Variants in LRRC7 observed in about 807,000 individuals in gnomAD.
LRRC7 encodes leucine rich repeat containing 7.
LRRC7 carries 23 observed loss-of-function variants against 175.7 expected under a neutral mutation model. That is an observed-to-expected ratio of 0.13 (90% CI 0.09 to 0.19). The LOEUF is 0.19. Ranked by LOEUF, LRRC7 falls within the 10% of genes least tolerant of loss-of-function variation. The pLI is 1.00. For missense variants in LRRC7, 1,354 were observed against 1,904.7 expected (o/e 0.71, Z 5.38); for synonymous variants, 685 against 680.9 (o/e 1.01, Z -0.09).
chr1:69,627,252 T>G (rs1331008241), intron 1 of LRRC7, among the ~76,000 whole-genome samples: 1 of 152,140 alleles, frequency 6.6e-6, no homozygotes, highest in Non-Finnish European at 1.5e-5. Context: ...CCTGACTTTT[T>G]AATGATCACC....
intron 8 of LRRC7, among the ~76,000 whole-genome samples, chr1:69,948,042 G>T (rs1649526559): frequency 6.6e-6 from 1 of 152,084 alleles, no homozygotes; most frequent in African/African-American, 2.4e-5. Context: ...AGTGGGTACA[G>T]CATGAATACG....
Position 70,039,034 on chromosome 1 carries a change from A to C in LRRC7, c.3210A>C (p.Gln1070His). 6.2e-7 allele frequency: 1 copy of C among 1,614,088 alleles called. No individual in the cohort carries two copies. Among genetic ancestry groups the C allele is most frequent in the Non-Finnish European group, 8.5e-7 (1 of 1,180,004 alleles). The change falls in exon 21 of 27, where the codon CAA (glutamine) becomes CAC (histidine). Residue 1070 changes from glutamine to histidine, a missense_variant. Gln to His is a conservative substitution (Grantham distance 24). Transcript: ENST00000651989. ...CAAAAAAAGTCTATCAGTTTGACCA[A>C]AGCTTCAATCCTCAAGGATCAGTGG... ...SMTKKVYQFDQSFNPQGSVEV... is the reference protein window; with the variant it reads ...SMTKKVYQFDHSFNPQGSVEV...
chr1:69,982,822 G>T (rs1461392373), intron 9 of LRRC7, among the ~76,000 whole-genome samples: 3 of 152,222 alleles, frequency 2.0e-5, no homozygotes, highest in Admixed American at 2.0e-4. Context: ...CCCAGAGAAT[G>T]TGGGATCAAC....
At chr1:69,713,444 C>A (rs546092247) in intron 2 of LRRC7, among the ~76,000 whole-genome samples, 2 of 152,024 alleles carry the variant, frequency 1.3e-5, no homozygotes, top group Non-Finnish European at 2.9e-5. Flanking sequence ...ACCAGTGAGC[C>A]GTGATTGTGC....
chr1:69,840,053 T>C (rs997030815), intron 7 of LRRC7, among the ~76,000 whole-genome samples: 46 of 152,008 alleles, frequency 3.0e-4, no homozygotes, highest in African/African-American at 1.1e-3. Flanking sequence ...TTGGGTCTCT[T>C]TGATAGACTC....
intron 4 of LRRC7, among the ~76,000 whole-genome samples, chr1:69,800,284 C>T (rs1007919524): frequency 1.3e-5 from 2 of 151,934 alleles, no homozygotes; most frequent in Non-Finnish European, 2.9e-5. Flanking sequence ...TGAAAAACGG[C>T]ATGCATATTT....
intron 25 of LRRC7, among the ~76,000 whole-genome samples, chr1:70,091,605 A>G (rs1298435848): frequency 1.3e-5 from 2 of 152,150 alleles, no homozygotes; most frequent in Non-Finnish European, 2.9e-5. Context: ...GCTCTTTTCA[A>G]CTGAAAGAGA....
chr1:69,728,453 A>G (rs1324593296), intron 2 of LRRC7, among the ~76,000 whole-genome samples: 1 of 152,224 alleles, frequency 6.6e-6, no homozygotes, highest in Non-Finnish European at 1.5e-5. Flanking sequence ...GGATAAAGCT[A>G]TCCTGCAGTT....
rs1675187031 is a variant in LRRC7 at position 69,792,045 on chromosome 1, A to G, written c.306A>G (p.Gln102=). ...DANQIEELPK[Q]LFNCQALRKL... ...TTAATGATTATTTTCTATTACAGCAATTGTTCAACTGTCAAGCTCTACGAA... is the reference window on the plus strand; with the variant it reads ...TTAATGATTATTTTCTATTACAGCAGTTGTTCAACTGTCAAGCTCTACGAA... The change falls in exon 4 of 27, where the codon CAA becomes CAG. Residue 102 remains glutamine (Q), a splice_region_variant and synonymous_variant. Transcript: ENST00000651989. 5 of 1,571,390 alleles carry G rather than the reference A, an allele frequency of 3.2e-6. No individual in the cohort carries two copies. Among genetic ancestry groups the G allele is most frequent in the Non-Finnish European group, 4.4e-6 (5 of 1,146,936 alleles).
chr1:69,785,745 C>A (rs890265551), intron 3 of LRRC7, among the ~76,000 whole-genome samples: 1 of 152,016 alleles, frequency 6.6e-6, no homozygotes, highest in African/African-American at 2.4e-5. Context: ...TAATCAGTAT[C>A]TTTGCCTTCC....
chr1:69,657,932 T>C (rs2100517187), intron 1 of LRRC7, among the ~76,000 whole-genome samples: 1 of 152,040 alleles, frequency 6.6e-6, no homozygotes, highest in South Asian at 2.1e-4. Context: ...ATGGGAGACT[T>C]TTGGTTAAAA....
intron 4 of LRRC7, among the ~76,000 whole-genome samples, chr1:69,824,739 C>T (rs1390138443): frequency 2.0e-5 from 3 of 152,046 alleles, no homozygotes; most frequent in African/African-American, 7.2e-5. Context: ...TCAAAAAGTT[C>T]AATTATATCC....
chr1:69,887,753 C>T (rs1434052574), intron 7 of LRRC7, among the ~76,000 whole-genome samples: 1 of 141,504 alleles, frequency 7.1e-6, no homozygotes, highest in Non-Finnish European at 1.6e-5. Flanking sequence ...GTGGTTTTAT[C>T]TACTTTTGGT....
chr1:69,735,383 C>T (rs1279590339), intron 2 of LRRC7, among the ~76,000 whole-genome samples: 1 of 151,972 alleles, frequency 6.6e-6, no homozygotes, highest in African/African-American at 2.4e-5. Flanking sequence ...TTTAAAAGGT[C>T]CCATATACTG....
intron 2 of LRRC7, among the ~76,000 whole-genome samples, chr1:69,759,482 T>G (rs1670800819): frequency 6.6e-6 from 1 of 151,780 alleles, no homozygotes; most frequent in Non-Finnish European, 1.5e-5. Flanking sequence ...GTGTCAGGAG[T>G]GTCACAGGAA....
At chr1:70,033,374 T>C (rs1658969389) in intron 18 of LRRC7, among the ~76,000 whole-genome samples, 1 of 152,202 alleles carries the variant, frequency 6.6e-6, no homozygotes, top group Non-Finnish European at 1.5e-5. Flanking sequence ...GATAGAGTGT[T>C]TAGCATAGTA....
intron 1 of LRRC7, among the ~76,000 whole-genome samples, chr1:69,677,023 G>T (rs192538196): frequency 3.3e-5 from 5 of 151,712 alleles, no homozygotes; most frequent in African/African-American, 1.2e-4. Context: ...TTAAAAGTAA[G>T]AACATATGGT....
At chr1:70,040,412 A>G (rs1453770436) in intron 21 of LRRC7, among the ~76,000 whole-genome samples, 1 of 152,242 alleles carries the variant, frequency 6.6e-6, no homozygotes, top group Non-Finnish European at 1.5e-5. Context: ...AAATATTTAA[A>G]TTCAGATTAT....
rs1228000422 is a variant in LRRC7 at position 69,808,231 on chromosome 1, A to C, written c.421+16071A>C. Among the ~76,000 whole-genome samples the C allele has an allele frequency of 2.0e-5, 3 of 151,482 alleles. No individual in the cohort carries two copies. The East Asian group carries it at 5.8e-4, about 29-fold the overall frequency. The stretch of plus-strand genomic sequence containing the variant: ...TTTTCAAGGTTCTTAGCTTCCTTGC[A>C]TTAGGTTAATAAAACCCAGATTCAA... On this transcript the variant is annotated intron_variant, in intron 4 of 26. Transcript: ENST00000651989.
Sources: gnomAD v4.1 joint callset for allele counts (sites outside exome capture counted in the v4.1 genomes callset) on GRCh38, gnomAD v4.1.1 for gene constraint, MANE v1.5 for transcripts, NCBI Gene and HGNC (gene_info 2026-07-23, HGNC 2026-07-21) for gene names.